TMEM240: variants seen among roughly 807,000 people sequenced by gnomAD.
TMEM240 encodes the protein transmembrane protein C1orf70.
In TMEM240, 3 loss-of-function variants were observed where a neutral mutation model predicts 19.5. That is an observed-to-expected ratio of 0.15 (90% confidence interval 0.07 to 0.40). The LOEUF is 0.40. Ranked by LOEUF, TMEM240 falls within the 10% of genes least tolerant of loss-of-function variation. The probability of loss-of-function intolerance (pLI) is 1.00; values close to 1 mark genes in which losing one functional copy is unlikely to be tolerated. For synonymous variants in TMEM240, 123 were observed against 109.3 expected (o/e 1.13, Z -0.78); for missense variants, 210 against 253.5 (o/e 0.83, Z 1.17).
chr1:1,536,659 C>T lies in TMEM240; in HGVS notation c.165-862G>A, dbSNP rs927757338. ...CCAAGGAGCTCGCCCCAGCAGCTCA[C>T]CCTGTCCCAGGAAGGTCTCCGGGCC... On this transcript the variant is annotated intron_variant, in intron 2 of 3. Transcript: ENST00000378733. This position sits in a 1 kb window ranked among gnomAD's most constrained non-coding sequence, Gnocchi z 5.4. Among the ~76,000 whole-genome samples, 5 of 152,164 alleles carry T rather than the reference C, an allele frequency of 3.3e-5. No individual in the cohort carries two copies. Among genetic ancestry groups the T allele is most frequent in the Non-Finnish European group, 7.4e-5 (5 of 68,018 alleles).
rs1642178252 is a variant in TMEM240, at chr1:1,534,915, T to TCCCTCCC, written c.*443_*444insGGGAGGG. ...CCTGTGGCTGTGCACACGCGGGTGC[T>TCCCTCCC]CCCCTCGCCCCCCTCCCCTCCGCCC... is the stretch of plus-strand genomic sequence containing the variant. On this transcript the variant is annotated 3_prime_UTR_variant, in exon 4 of 4. Transcript: ENST00000378733. 6.7e-6 allele frequency among the ~76,000 whole-genome samples: 1 copy of TCCCTCCC among 150,180 alleles called. No homozygotes were observed. Among genetic ancestry groups the TCCCTCCC allele is most frequent in the African/African-American group, 2.5e-5 (1 of 40,112 alleles).
rs1642215669 is a variant in TMEM240 at position 1,536,092 on chromosome 1, C to T, written c.165-295G>A. ...GTCGGCCCTCACTCAGCACCTCCTC[C>T]CTGAGGCCTGGAGCTCACGGGAAGG... On this transcript the variant is annotated intron_variant, in intron 2 of 3. Transcript: ENST00000378733. The surrounding 1 kb of genome is among the most constrained non-coding windows in gnomAD (Gnocchi z 5.4). Among the ~76,000 whole-genome samples the T allele has an allele frequency of 6.6e-6, 1 of 152,096 alleles. No individual in the cohort carries two copies. The highest frequency in any genetic ancestry group is 6.5e-5 in the Admixed American group (1 of 15,284).
chr1:1,537,951 C>T (rs925956146), intron 2 of TMEM240, among the ~76,000 whole-genome samples: 1 of 152,218 alleles, frequency 6.6e-6, no homozygotes, highest in East Asian at 1.9e-4. Context: ...TCAACGTCTA[C>T]GTATAGGCAC....
At position 1,536,193 on chromosome 1, in the gene TMEM240, G is replaced by A. The variant is rs747172749; in HGVS notation, c.165-396C>T. ...CCACGGCCAGGGTCACAGCTCACCC[G>A]CCCGCCCCGGGGCCGCGGAGGCCAC... On this transcript the variant is annotated intron_variant, in intron 2 of 3. Coordinates refer to ENST00000378733, the MANE Select transcript of TMEM240 (RefSeq NM_001114748.2). This position sits in a 1 kb window ranked among gnomAD's most constrained non-coding sequence, Gnocchi z 5.4. Among the ~76,000 whole-genome samples the A allele has an allele frequency of 7.9e-5, 12 of 151,946 alleles. No homozygotes were observed. The highest frequency in any genetic ancestry group is 1.0e-4 in the Non-Finnish European group (7 of 67,940).
Position 1,535,450 on chromosome 1 carries a change from G to A in TMEM240, c.431C>T (p.Pro144Leu), listed in dbSNP as rs1024546715. 1.6e-5 allele frequency: 25 copies of A among 1,548,902 alleles called. No individual in the cohort carries two copies. Among genetic ancestry groups the A allele is most frequent in the Admixed American group, 5.9e-5 (3 of 50,918 alleles). ...GGCGGCCTCCTCGAAGGGCCTGTGC[G>A]GCCGCCGGCCCAGCTCCCGCAGGCT... ...LCSLRELGRR[P>L]HRPFEEAAGN... is the part of the protein sequence containing the mutation. The change falls in exon 4 of 4, where the codon CCG (proline) becomes CTG (leucine). Residue 144 changes from proline to leucine, a missense_variant. By Grantham distance (98) the Pro-to-Leu change is moderately conservative. This residue lies in a region of TMEM240 where 157 missense variants were observed against 168.2 expected (regional missense o/e 0.93). Coordinates refer to ENST00000378733, the MANE Select transcript of TMEM240 (RefSeq NM_001114748.2). This position sits in a 1 kb window ranked among gnomAD's most constrained non-coding sequence, Gnocchi z 8.2.
At position 1,540,384 on chromosome 1, in the gene TMEM240, G is replaced by A. The variant is rs1289746309; in HGVS notation, c.-38C>T. On this transcript the variant is annotated 5_prime_UTR_variant, in exon 1 of 4. Coordinates refer to ENST00000378733, the MANE Select transcript of TMEM240 (RefSeq NM_001114748.2). ...GGCCGGGCCGGAGCGCCGCCCCCCGGCCCCGGCGCCCCCCCGGCCCCGGCC... is the reference window on the plus strand; with the variant it reads ...GGCCGGGCCGGAGCGCCGCCCCCCGACCCCGGCGCCCCCCCGGCCCCGGCC... 3.0e-6 allele frequency: 3 copies of A among 1,015,168 alleles called. No homozygotes were observed. Among genetic ancestry groups the A allele is most frequent in the Non-Finnish European group, 3.7e-6 (3 of 817,964 alleles). 62.9% of individuals were successfully genotyped at this position (1,015,168 alleles called of 1,614,324 possible).
Position 1,535,595 on chromosome 1 carries a change from G to C in TMEM240, c.367C>G (p.Arg123Gly). 1 of 1,549,112 alleles carries C rather than the reference G, an allele frequency of 6.5e-7. No individual in the cohort carries two copies. Among genetic ancestry groups the C allele is most frequent in the Non-Finnish European group, 8.7e-7 (1 of 1,146,242 alleles). The stretch of plus-strand genomic sequence containing the variant: ...GCGGGCACGAGGCACTCACCGTAGC[G>C]CCGTCCGGCTCTCCAGGCGCGCACG... ...CAVRAWRAGRRYDGSWTWLPK... is the reference protein window; with the variant it reads ...CAVRAWRAGRGYDGSWTWLPK... The change falls in exon 3 of 4, where the codon CGC (arginine) becomes GGC (glycine). Residue 123 changes from arginine (R) to glycine (G), a missense_variant. Physicochemically the swap from Arg to Gly is moderately radical, Grantham distance 125 (BLOSUM62 -2). Transcript: ENST00000378733. The surrounding 1 kb of genome is among the most constrained non-coding windows in gnomAD (Gnocchi z 8.2).
At chr1:1,537,589 G>GAT (rs961022273) in intron 2 of TMEM240, among the ~76,000 whole-genome samples, 5 of 152,174 alleles carry the variant, frequency 3.3e-5, no homozygotes, top group African/African-American at 1.2e-4. Flanking sequence ...GAAAGCAGGA[G>GAT]ATAGGCCTGG....
chr1:1,538,734 AG>A (rs1187727080), intron 2 of TMEM240, among the ~76,000 whole-genome samples: 1 of 152,218 alleles, frequency 6.6e-6, no homozygotes, highest in Non-Finnish European at 1.5e-5. Flanking sequence ...CTGCACCCAT[AG>A]GCATGTCACA....
intron 1 of TMEM240, 65 bp downstream of exon 1, chr1:1,540,225 A>T: frequency 2.5e-6 from 2 of 815,942 alleles, no homozygotes; most frequent in Non-Finnish European, 2.9e-6. Flanking sequence ...AAGGCGCGGG[A>T]GGTGGGCCAG....
chr1:1,539,471 C>A (rs1642268328), intron 2 of TMEM240: 26 of 580,306 alleles, frequency 4.5e-5, no homozygotes, highest in South Asian at 4.4e-4. Context: ...TCCGCCATCA[C>A]CCTGGAGGCC....
At chr1:1,537,350 G>A (rs947478732) in intron 2 of TMEM240, among the ~76,000 whole-genome samples, 3 of 152,264 alleles carry the variant, frequency 2.0e-5, no homozygotes, top group East Asian at 1.9e-4. Flanking sequence ...ATCGTCCATC[G>A]TCACCAATGG....
chr1:1,537,615 C>T (rs1557489619), intron 2 of TMEM240, among the ~76,000 whole-genome samples: 1 of 152,306 alleles, frequency 6.6e-6, no homozygotes, highest in Admixed American at 6.5e-5. Context: ...GATATGCTAT[C>T]TGCACACGTA....
At position 1,535,128 on chromosome 1, in the gene TMEM240, C is replaced by G. The variant is rs1211551061; in HGVS notation, c.*231G>C. The stretch of plus-strand genomic sequence containing the variant: ...ATGAGTCCGCCCTTGTGTCCTGCCC[C>G]CCAACTGCAGGGTCTCCCCTAACCC... On this transcript the variant is annotated 3_prime_UTR_variant, in exon 4 of 4. Coordinates refer to ENST00000378733, the MANE Select transcript of TMEM240 (RefSeq NM_001114748.2). The surrounding 1 kb of genome is among the most constrained non-coding windows in gnomAD (Gnocchi z 8.2). 1.1e-5 allele frequency: 5 copies of G among 446,688 alleles called. No individual in the cohort carries two copies. Among genetic ancestry groups the G allele is most frequent in the Non-Finnish European group, 2.0e-5 (5 of 249,230 alleles). The allele number at this position is 446,688 out of a possible 1,614,324, so 27.7% of individuals were successfully genotyped here.
At position 1,535,594 on chromosome 1, in the gene TMEM240, C is replaced by T. The variant is rs1325251444; in HGVS notation, c.368G>A (p.Arg123His). Reference sequence around the variant, plus strand: ...GGCGGGCACGAGGCACTCACCGTAGCGCCGTCCGGCTCTCCAGGCGCGCAC... The same window carrying T: ...GGCGGGCACGAGGCACTCACCGTAGTGCCGTCCGGCTCTCCAGGCGCGCAC... ...CAVRAWRAGR[R>H]YDGSWTWLPK... The change falls in exon 3 of 4, where the codon CGC becomes CAC. Residue 123 changes from arginine (R) to histidine (H), a missense_variant. This residue lies in a region of TMEM240 where 157 missense variants were observed against 168.2 expected (regional missense o/e 0.93). Coordinates refer to ENST00000378733, the MANE Select transcript of TMEM240 (RefSeq NM_001114748.2). The surrounding 1 kb of genome is among the most constrained non-coding windows in gnomAD (Gnocchi z 8.2). The T allele has an allele frequency of 2.6e-5, 40 of 1,548,936 alleles. No individual in the cohort carries two copies. The highest frequency in any genetic ancestry group is 3.1e-5 in the Non-Finnish European group (36 of 1,146,234).
At chr1:1,540,264 C>A in intron 1 of TMEM240, 26 bp downstream of exon 1, 1 of 1,303,610 alleles carries the variant, frequency 7.7e-7, no homozygotes, top group Non-Finnish European at 9.8e-7. Flanking sequence ...GAGCAGGGGG[C>A]GCGCGCGGGA....
chr1:1,538,058 G>C (rs1336721276), intron 2 of TMEM240, among the ~76,000 whole-genome samples: 1 of 152,240 alleles, frequency 6.6e-6, no homozygotes, highest in Non-Finnish European at 1.5e-5. Flanking sequence ...TGGATACGCA[G>C]ATACCGCATG....
At chr1:1,537,209 CG>C (rs1447743455) in intron 2 of TMEM240, among the ~76,000 whole-genome samples, 1 of 151,998 alleles carries the variant, frequency 6.6e-6, no homozygotes, top group Non-Finnish European at 1.5e-5. Context: ...CTGGGGTTCC[CG>C]GAGGTCAGTC....
chr1:1,536,654 G>A lies in TMEM240; in HGVS notation c.165-857C>T, dbSNP rs1642227446. Among the ~76,000 whole-genome samples the A allele has an allele frequency of 6.6e-6, 1 of 152,152 alleles. No individual in the cohort carries two copies. The highest frequency in any genetic ancestry group is 3.2e-3 in the Middle Eastern group (1 of 314). On this transcript the variant is annotated intron_variant, in intron 2 of 3. Coordinates refer to ENST00000378733, the MANE Select transcript of TMEM240 (RefSeq NM_001114748.2). This position sits in a 1 kb window ranked among gnomAD's most constrained non-coding sequence, Gnocchi z 5.4. ...GCTCCCCAAGGAGCTCGCCCCAGCAGCTCACCCTGTCCCAGGAAGGTCTCC... is the reference window on the plus strand; with the variant it reads ...GCTCCCCAAGGAGCTCGCCCCAGCAACTCACCCTGTCCCAGGAAGGTCTCC...
Sources: allele counts gnomAD v4.1 joint callset (sites outside exome capture counted in the v4.1 genomes callset), GRCh38; gene constraint gnomAD v4.1.1; regional missense constraint gnomAD v4.1.1; non-coding constraint Gnocchi (gnomAD v3.1); transcripts MANE v1.5; gene names NCBI Gene and HGNC (gene_info 2026-07-23, HGNC 2026-07-21).